The following CTXND2 variants were observed in gnomAD, a reference collection of about 807,000 sequenced individuals.
CTXND2 encodes cortexin domain containing 2.
At chr1:150,906,286 GAGACCCT>G (rs1225155876) in intron 1 of CTXND2, among the ~76,000 whole-genome samples, 1 of 152,092 alleles carries the variant, frequency 6.6e-6, no homozygotes, top group Non-Finnish European at 1.5e-5. Context: ...GTGACAGAGT[GAGACCCT>G]ACCTCAAAAA....
intron 1 of CTXND2, among the ~76,000 whole-genome samples, chr1:150,888,460 C>T (rs1427227395): frequency 6.6e-6 from 1 of 151,766 alleles, no homozygotes; most frequent in African/African-American, 2.4e-5. Context: ...AGGTGATCCC[C>T]CGCGACCTCG....
At chr1:150,900,109 AC>A (rs775589743) in intron 1 of CTXND2, among the ~76,000 whole-genome samples, 2 of 152,046 alleles carry the variant, frequency 1.3e-5, no homozygotes, top group Non-Finnish European at 2.9e-5. Flanking sequence ...GTCCCTTTCC[AC>A]CGTGTGGAGG....
At chr1:150,910,493 G>T (rs1034627775) in intron 1 of CTXND2, among the ~76,000 whole-genome samples, 2 of 152,048 alleles carry the variant, frequency 1.3e-5, no homozygotes, top group Non-Finnish European at 2.9e-5. Context: ...TTCAAAATAA[G>T]GGTCTAACTT....
intron 1 of CTXND2, among the ~76,000 whole-genome samples, chr1:150,900,664 A>G (rs587763692): frequency 5.3e-5 from 8 of 152,280 alleles, no homozygotes; most frequent in Non-Finnish European, 1.2e-4. Context: ...AACCAAAAAA[A>G]AACCCTGACG....
intron 1 of CTXND2, among the ~76,000 whole-genome samples, chr1:150,894,207 A>G (rs1208747099): frequency 6.6e-6 from 1 of 152,130 alleles, no homozygotes; most frequent in African/African-American, 2.4e-5. Context: ...TCAGCTTGGT[A>G]TTTGTGTCAA....
At chr1:150,898,724 T>G (rs1484407571) in intron 1 of CTXND2, among the ~76,000 whole-genome samples, 2 of 132,922 alleles carry the variant, frequency 1.5e-5, no homozygotes, top group Non-Finnish European at 3.2e-5. Flanking sequence ...CCACTGCACT[T>G]CAGCCTGGCC....
chr1:150,901,292 C>T (rs1334994730), intron 1 of CTXND2, among the ~76,000 whole-genome samples: 1 of 152,166 alleles, frequency 6.6e-6, no homozygotes, highest in Non-Finnish European at 1.5e-5. Context: ...GATCAGAAGA[C>T]TTAACATTGT....
chr1:150,913,020 A>G (rs985249133), exon 2 of CTXND2: 1 of 152,196 alleles, frequency 6.6e-6, no homozygotes, highest in Admixed American at 6.5e-5. Context: ...AAATTTCCTC[A>G]TCTATAAAAT....
chr1:150,910,129 T>C lies in CTXND2; in HGVS notation c.-73-2113T>C, dbSNP rs981686235. The stretch of plus-strand genomic sequence containing the variant: ...TCTTTTTCTTTTTTCTGTTTTTTTT[T>C]TTTCTTTTTTTTTTTTTTTGAGACG... On this transcript the variant is annotated intron_variant, in intron 1 of 1. Coordinates refer to ENST00000636087, the Ensembl canonical transcript of CTXND2. Among the ~76,000 whole-genome samples, 4 of 150,106 alleles carry C rather than the reference T, an allele frequency of 2.7e-5. No individual in the cohort carries two copies. The East Asian group carries it at 5.8e-4, about 22-fold the overall frequency.
intron 1 of CTXND2, 133 bp downstream of exon 1, chr1:150,887,446 T>TTTATTATTA (rs138336125): frequency 1.1e-4 from 16 of 150,500 alleles, no homozygotes; most frequent in African/African-American, 3.4e-4. Context: ...AGTAAAGAGC[T>TTTATTATTA]TTATTATTAT....
chr1:150,910,133 C>CTTT (rs1338323220), intron 1 of CTXND2, among the ~76,000 whole-genome samples: 8 of 119,138 alleles, frequency 6.7e-5, no homozygotes, highest in African/African-American at 1.3e-4. Context: ...TTTTTTTTTT[C>CTTT]TTTTTTTTTT....
chr1:150,908,121 GC>G (rs1334056697), intron 1 of CTXND2, among the ~76,000 whole-genome samples: 1 of 151,268 alleles, frequency 6.6e-6, no homozygotes, highest in Non-Finnish European at 1.5e-5. Flanking sequence ...TCCCGCCTCT[GC>G]CCCCCAAGTA....
intron 1 of CTXND2, among the ~76,000 whole-genome samples, chr1:150,911,310 G>A (rs1481018907): frequency 6.6e-6 from 1 of 151,952 alleles, no homozygotes; most frequent in African/African-American, 2.4e-5. Flanking sequence ...CCATAGTTTT[G>A]ATTACTGTAG....
intron 1 of CTXND2, among the ~76,000 whole-genome samples, chr1:150,894,596 A>C (rs1668890418): frequency 6.6e-6 from 1 of 152,216 alleles, no homozygotes; most frequent in South Asian, 2.1e-4. Context: ...AGCGGGTACA[A>C]GTGCAGATTT....
chr1:150,907,152 T>C (rs587617902), intron 1 of CTXND2, among the ~76,000 whole-genome samples: 5 of 152,338 alleles, frequency 3.3e-5, no homozygotes, highest in Non-Finnish European at 7.4e-5. Context: ...AATTTAAAAC[T>C]GAACTAAGGT....
At chr1:150,910,375 C>T (rs948979937) in intron 1 of CTXND2, among the ~76,000 whole-genome samples, 3 of 151,942 alleles carry the variant, frequency 2.0e-5, no homozygotes, top group African/African-American at 7.2e-5. Flanking sequence ...GGTGATCCGC[C>T]CTCCTCGGCC....
intron 1 of CTXND2, among the ~76,000 whole-genome samples, chr1:150,902,348 A>C (rs587646021): frequency 6.6e-6 from 1 of 152,020 alleles, no homozygotes; most frequent in South Asian, 2.1e-4. Flanking sequence ...CGGAGCTTGC[A>C]GTGAGCTGAG....
intron 1 of CTXND2, among the ~76,000 whole-genome samples, chr1:150,909,272 C>G (rs1669207535): frequency 6.8e-6 from 1 of 147,532 alleles, no homozygotes. Context: ...AAAGTGTTGA[C>G]CAGGCACAGT....
chr1:150,909,433 T>C (rs1452597697), intron 1 of CTXND2, among the ~76,000 whole-genome samples: 2 of 151,894 alleles, frequency 1.3e-5, no homozygotes, highest in African/African-American at 2.4e-5. Flanking sequence ...GACGTGCACC[T>C]GTAGTCCCAG....
Sources: allele counts gnomAD v4.1 joint callset (sites outside exome capture counted in the v4.1 genomes callset), GRCh38; gene constraint gnomAD v4.1.1; transcripts MANE v1.5; gene names NCBI Gene and HGNC (gene_info 2026-07-23, HGNC 2026-07-21).